XKR9: variants seen among roughly 807,000 people sequenced by gnomAD.
The protein encoded by XKR9 is XK related 9.
Under a neutral mutation model 32.0 loss-of-function variants are expected in XKR9, and 32 were observed. The ratio of observed to expected loss-of-function variants is 1.00; its 90% CI spans 0.76 to 1.34. The LOEUF is 1.34. Among genes scored for constraint, XKR9 ranks in the 40% most tolerant of loss-of-function variants. XKR9 has a pLI of 0.00. For synonymous variants in XKR9, 168 were observed against 143.4 expected (o/e 1.17, Z -1.22); for missense variants, 546 against 429.7 (o/e 1.27, Z -2.39).
At chr8:70,842,778 G>T in the XKR9 span, among the ~76,000 whole-genome samples, 3 of 152,144 alleles carry the variant, frequency 2.0e-5, no homozygotes, top group African/African-American at 7.2e-5. Flanking sequence ...AGCTGAAACA[G>T]GGCTGCCCCG....
chr8:70,739,128 C>T (rs1806917563), downstream of XKR9, among the ~76,000 whole-genome samples: 1 of 151,980 alleles, frequency 6.6e-6, no homozygotes, highest in Non-Finnish European at 1.5e-5. Flanking sequence ...TCACTCAGGA[C>T]TTGCTTTATG....
intron 2 of XKR9, among the ~76,000 whole-genome samples, chr8:70,769,969 T>G (rs1247959247): frequency 6.6e-6 from 1 of 152,026 alleles, no homozygotes; most frequent in Non-Finnish European, 1.5e-5. Context: ...CTCCATCCAG[T>G]TGTGTTCCCT....
chr8:70,944,978 C>G, the XKR9 span, among the ~76,000 whole-genome samples: 1 of 151,994 alleles, frequency 6.6e-6, no homozygotes, highest in Admixed American at 6.6e-5. Flanking sequence ...AAATCCTTAT[C>G]CATAGGGAAT....
intron 3 of XKR9, among the ~76,000 whole-genome samples, chr8:70,705,406 TAG>T (rs1563436250): frequency 6.6e-6 from 1 of 152,136 alleles, no homozygotes; most frequent in African/African-American, 2.4e-5. Flanking sequence ...TAGAATATGG[TAG>T]AGAGTACTAC....
chr8:70,733,285 A>T (rs994325274), intron 4 of XKR9, among the ~76,000 whole-genome samples: 2 of 151,934 alleles, frequency 1.3e-5, no homozygotes, highest in Admixed American at 6.6e-5. Flanking sequence ...TCTCATATTA[A>T]ATTTTCTGTT....
intron 4 of XKR9, among the ~76,000 whole-genome samples, chr8:70,711,490 T>G (rs185590739): frequency 7.9e-5 from 12 of 152,322 alleles, no homozygotes; most frequent in Middle Eastern, 3.4e-3. Context: ...TGGATGCAGA[T>G]GGAGGCCATT....
At chr8:71,000,509 C>G in the XKR9 span, among the ~76,000 whole-genome samples, 3 of 152,056 alleles carry the variant, frequency 2.0e-5, no homozygotes, top group African/African-American at 7.2e-5. Flanking sequence ...TAAATTTCAG[C>G]TGGAAAAGAT....
intron 4 of XKR9, among the ~76,000 whole-genome samples, chr8:70,726,266 G>C (rs1806466846): frequency 6.6e-6 from 1 of 152,170 alleles, no homozygotes; most frequent in Non-Finnish European, 1.5e-5. Context: ...CTCATTTTAA[G>C]AATGGATGAA....
chr8:70,875,669 T>G, the XKR9 span, among the ~76,000 whole-genome samples: 1 of 152,188 alleles, frequency 6.6e-6, no homozygotes, highest in East Asian at 1.9e-4. Flanking sequence ...TATATATCTT[T>G]CAATGAGGAT....
At chr8:70,794,111 T>A (rs1807798590), downstream of XKR9, among the ~76,000 whole-genome samples, 1 of 152,124 alleles carries the variant, frequency 6.6e-6, no homozygotes, top group South Asian at 2.1e-4. Context: ...TTTTGTTTGA[T>A]GCCTTTATAA....
At chr8:70,733,695 T>A in intron 4 of XKR9, 101 bp from the exon 5 acceptor site, 1 of 1,107,524 alleles carries the variant, frequency 9.0e-7, no homozygotes, top group Non-Finnish European at 1.2e-6. Flanking sequence ...ATGTGACGTG[T>A]TTGTGGGTGT....
chr8:70,934,473 A>T, the XKR9 span, among the ~76,000 whole-genome samples: 14 of 152,060 alleles, frequency 9.2e-5, no homozygotes, highest in Non-Finnish European at 1.8e-4. Flanking sequence ...ACGATGTTTT[A>T]TTTTTGTAAA....
chr8:70,753,395 A>C (rs974650515), intron 2 of XKR9, among the ~76,000 whole-genome samples: 1 of 151,876 alleles, frequency 6.6e-6, no homozygotes, highest in African/African-American at 2.4e-5. Context: ...AAAAGAGGGA[A>C]TCCTCCCTAA....
chr8:71,012,812 T>C, the XKR9 span, among the ~76,000 whole-genome samples: 2 of 152,154 alleles, frequency 1.3e-5, no homozygotes, highest in Non-Finnish European at 2.9e-5. Flanking sequence ...ATTCAGAACC[T>C]GGGTGTTTAA....
chr8:70,698,480 T>C (rs1272158553), intron 3 of XKR9, among the ~76,000 whole-genome samples: 1 of 152,182 alleles, frequency 6.6e-6, no homozygotes, highest in Non-Finnish European at 1.5e-5. Context: ...TCAGTTTCCA[T>C]GTAGTTGAGT....
the XKR9 span, among the ~76,000 whole-genome samples, chr8:71,011,604 G>A: frequency 0.42 from 63,692 of 152,050 alleles, 14,619 homozygotes; most frequent in Non-Finnish European, 0.53. Flanking sequence ...ACTGAACCTG[G>A]TATTCAGCTA....
the XKR9 span, among the ~76,000 whole-genome samples, chr8:70,812,527 G>T: frequency 6.6e-6 from 1 of 152,140 alleles, no homozygotes. Flanking sequence ...TGACATGATT[G>T]TATATCTAGA....
chr8:70,850,751 CT>C, the XKR9 span, among the ~76,000 whole-genome samples: 2 of 152,134 alleles, frequency 1.3e-5, no homozygotes, highest in African/African-American at 4.8e-5. Flanking sequence ...GCTAAAAACA[CT>C]TGGTAAACAA....
the XKR9 span, among the ~76,000 whole-genome samples, chr8:70,988,908 G>A: frequency 0.32 from 48,539 of 152,026 alleles, 9,074 homozygotes; most frequent in Non-Finnish European, 0.43. Flanking sequence ...GAGTGGAATC[G>A]TATAGGATTT....
Sources: gnomAD v4.1 joint callset for allele counts (sites outside exome capture counted in the v4.1 genomes callset) on GRCh38, gnomAD v4.1.1 for gene constraint, MANE v1.5 for transcripts, NCBI Gene and HGNC (gene_info 2026-07-23, HGNC 2026-07-21) for gene names.